PAPOLA: variants seen among roughly 807,000 people sequenced by gnomAD.
PAPOLA encodes the protein polynucleotide adenylyltransferase alpha.
PAPOLA carries 15 observed loss-of-function variants against 100.6 expected under a neutral mutation model. The observed-to-expected ratio is 0.15, with a 90% CI of 0.10 to 0.23. The LOEUF is 0.23. PAPOLA is among the 10% of genes least tolerant of loss of function. The probability of loss-of-function intolerance (pLI) is 1.00; values close to 1 mark genes in which losing one functional copy is unlikely to be tolerated. For missense variants in PAPOLA, 533 were observed against 884.2 expected (o/e 0.60, Z 5.04); for synonymous variants, 293 against 300.0 (o/e 0.98, Z 0.24).
intron 19 of PAPOLA, among the ~76,000 whole-genome samples, chr14:96,557,563 C>T (rs1901446726): frequency 7.1e-6 from 1 of 141,712 alleles, no homozygotes; most frequent in African/African-American, 2.8e-5. Context: ...GCACCAATTT[C>T]ATTGTGTTTT....
rs71103533 is a variant in PAPOLA at position 96,507,280 on chromosome 14, GTTTTTTTTTTTTT to G, written c.8+4693_8+4705del. Among the ~76,000 whole-genome samples the G allele has an allele frequency of 1.4e-4, 11 of 80,706 alleles. No homozygotes were observed. The Admixed American group carries it at 1.5e-3, about 11-fold the overall frequency. The allele number at this position is 80,706 out of a possible 152,430, so 52.9% of individuals were successfully genotyped here. A position where few individuals can be genotyped will look rare whatever the true frequency, so the allele number is the denominator to read the frequency against. On this transcript the variant is annotated intron_variant, in intron 1 of 21. Coordinates refer to ENST00000216277, the MANE Select transcript of PAPOLA (RefSeq NM_032632.5). ...ACTAAATTTTTTGTTTTGGAAAATA[GTTTTTTTTTTTTT>G]TTTTTTTTTTTTGAGACGGAGTCTC... is the stretch of plus-strand genomic sequence containing the variant.
chr14:96,519,828 C>T (rs758423851), intron 1 of PAPOLA, among the ~76,000 whole-genome samples: 4 of 152,302 alleles, frequency 2.6e-5, no homozygotes, highest in Middle Eastern at 3.4e-3. Context: ...TGTATTTGGT[C>T]TGGATTCTAA....
chr14:96,557,917 A>G (rs1901498929), intron 19 of PAPOLA, among the ~76,000 whole-genome samples: 1 of 151,928 alleles, frequency 6.6e-6, no homozygotes, highest in Non-Finnish European at 1.5e-5. Flanking sequence ...TGTTGTTATG[A>G]TGTATTTTTT....
At position 96,565,299 on chromosome 14, in the gene PAPOLA, AAAC is replaced by A; in HGVS notation, c.*253_*255del. 1 of 397,658 alleles carries A rather than the reference AAAC, an allele frequency of 2.5e-6. No individual in the cohort carries two copies. The allele number at this position is 397,658 out of a possible 1,614,324, so 24.6% of individuals were successfully genotyped here. A position where few individuals can be genotyped will look rare whatever the true frequency, so the allele number is the denominator to read the frequency against. ...TTTCAAAAATTACTGCCTTTAAAAAAAACAACCTCAAGCTATATTTGTATTCAT... is the reference window on the plus strand; with the variant it reads ...TTTCAAAAATTACTGCCTTTAAAAAAAACCTCAAGCTATATTTGTATTCAT... On this transcript the variant is annotated 3_prime_UTR_variant, in exon 22 of 22. Coordinates refer to ENST00000216277, the MANE Select transcript of PAPOLA (RefSeq NM_032632.5).
chr14:96,540,432 C>T (rs1194058624), intron 12 of PAPOLA, among the ~76,000 whole-genome samples: 1 of 149,180 alleles, frequency 6.7e-6, no homozygotes, highest in Non-Finnish European at 1.5e-5. Flanking sequence ...TTTTTTTAAC[C>T]AGTTAGCCAT....
chr14:96,552,252 C>T (rs1286203047), intron 16 of PAPOLA, among the ~76,000 whole-genome samples: 1 of 152,070 alleles, frequency 6.6e-6, no homozygotes, highest in Non-Finnish European at 1.5e-5. Flanking sequence ...ATTTCTTTCT[C>T]CCTTTTTCTC....
At chr14:96,527,226 G>T in intron 4 of PAPOLA, 1 of 520,874 alleles carries the variant, frequency 1.9e-6, no homozygotes, top group Non-Finnish European at 3.4e-6. Flanking sequence ...TATAAATAGA[G>T]GATGCTGCAG....
At chr14:96,559,872 G>A (rs555461495) in intron 19 of PAPOLA, among the ~76,000 whole-genome samples, 9 of 151,682 alleles carry the variant, frequency 5.9e-5, no homozygotes, top group African/African-American at 1.7e-4. Flanking sequence ...TATAAGTACC[G>A]TATATTTGTC....
intron 1 of PAPOLA, among the ~76,000 whole-genome samples, chr14:96,509,620 GCTATGCACCTAGGC>G (rs1260180538): frequency 6.6e-6 from 1 of 152,136 alleles, no homozygotes; most frequent in Non-Finnish European, 1.5e-5. Flanking sequence ...GGTATAGCCT[GCTATGCACCTAGGC>G]CTATGCACCA....
In PAPOLA at chr14:96,555,867, C is replaced by T; in HGVS notation, c.1685C>T (p.Ala562Val). Residue 562 changes from alanine to valine, a missense_variant, in exon 18 of 22, where the codon GCT becomes GTT. Physicochemically the swap from Ala to Val is moderately conservative, Grantham distance 64. Around this residue, in one of 9 missense-constraint regions of PAPOLA, gnomAD observed 242 missense variants for 281.0 expected, o/e 0.86. Coordinates refer to ENST00000216277, the MANE Select transcript of PAPOLA (RefSeq NM_032632.5). The part of the protein sequence containing the change: ...SSQGRNSPAP[A>V]VTAASVTNIQ... ...TTTAGCAGAAACAGTCCTGCTCCAG[C>T]TGTAACAGCAGCATCTGTGACCAAC... 1 of 1,599,828 alleles carries T rather than the reference C, an allele frequency of 6.3e-7. No homozygotes were observed.
chr14:96,565,882 T>C lies in PAPOLA; in HGVS notation c.*832T>C. On this transcript the variant is annotated 3_prime_UTR_variant, in exon 22 of 22. Transcript: ENST00000216277. ...TTCCCTCCCCTGTTTTCTTCCTTTT[T>C]CTTTTTGCTTGTATGCACAAGGTAG... 2.5e-6 allele frequency: 1 copy of C among 398,650 alleles called. No homozygotes were observed. The highest frequency in any genetic ancestry group is 4.4e-6 in the Non-Finnish European group (1 of 225,786). The allele number at this position is 398,650 out of a possible 1,614,324, so 24.7% of individuals were successfully genotyped here.
chr14:96,533,795 C>T (rs180822372), intron 9 of PAPOLA: 91 of 621,798 alleles, frequency 1.5e-4, no homozygotes, highest in East Asian at 2.8e-4. Context: ...CCTCATAATC[C>T]GCCCGCCTCG....
intron 1 of PAPOLA, among the ~76,000 whole-genome samples, chr14:96,503,219 C>T (rs1218726699): frequency 2.0e-5 from 3 of 152,240 alleles, no homozygotes; most frequent in Non-Finnish European, 1.5e-5. Flanking sequence ...CCCTAGCATT[C>T]ACAGGCGGTC....
At chr14:96,529,487 C>T (rs2140277410) in intron 6 of PAPOLA, among the ~76,000 whole-genome samples, 1 of 151,622 alleles carries the variant, frequency 6.6e-6, no homozygotes, top group Non-Finnish European at 1.5e-5. Context: ...CTTTGGGAGG[C>T]CAAGGTAGGT....
At chr14:96,522,116 C>CTTTTT (rs754167531) in intron 3 of PAPOLA, among the ~76,000 whole-genome samples, 245 of 57,832 alleles carry the variant, frequency 4.2e-3, no homozygotes, top group African/African-American at 7.3e-3. Context: ...TTCTTTCTTT[C>CTTTTT]TTTTTTTTTT....
At chr14:96,513,087 T>G (rs372148830) in intron 1 of PAPOLA, among the ~76,000 whole-genome samples, 45 of 152,318 alleles carry the variant, frequency 3.0e-4, no homozygotes, top group African/African-American at 9.9e-4. Flanking sequence ...TTTTTGGGGA[T>G]GGAGTCCCGC....
intron 10 of PAPOLA, chr14:96,535,324 A>G (rs1230544752): frequency 2.0e-6 from 2 of 985,038 alleles, no homozygotes; most frequent in Non-Finnish European, 2.4e-6. Flanking sequence ...GTGAATTTAC[A>G]ACTTACTTTG....
At chr14:96,527,743 C>T (rs1294561060) in intron 5 of PAPOLA, 1 of 609,568 alleles carries the variant, frequency 1.6e-6, no homozygotes, top group Non-Finnish European at 2.9e-6. Flanking sequence ...TTGAGGCAAA[C>T]AAAATAAATA....
At chr14:96,509,747 A>C (rs1393319955) in intron 1 of PAPOLA, among the ~76,000 whole-genome samples, 5 of 152,146 alleles carry the variant, frequency 3.3e-5, no homozygotes, top group Non-Finnish European at 5.9e-5. Flanking sequence ...TGTGTATCTA[A>C]ATGTATGTAA....
Sources: allele counts gnomAD v4.1 joint callset (sites outside exome capture counted in the v4.1 genomes callset), GRCh38; gene constraint gnomAD v4.1.1; regional missense constraint gnomAD v4.1.1; transcripts MANE v1.5; gene names NCBI Gene and HGNC (gene_info 2026-07-23, HGNC 2026-07-21).